The following SLC9C2 variants were observed in gnomAD, a reference collection of about 807,000 sequenced individuals.
The protein encoded by SLC9C2 is solute carrier family 9 member C2 (putative), also known as sodium/hydrogen exchanger 11.
Under a neutral mutation model 140.2 loss-of-function variants are expected in SLC9C2, and 75 were observed. The observed-to-expected ratio is 0.53, with a 90% CI of 0.44 to 0.65. The LOEUF (loss-of-function observed/expected upper bound fraction) is 0.65, where lower values mean the gene tolerates loss of function less well. SLC9C2 is among the 30% of genes least tolerant of loss of function. The pLI, the probability that SLC9C2 is intolerant of heterozygous loss-of-function variation, is 0.00. For missense variants in SLC9C2, 1,074 were observed against 1,331.8 expected (o/e 0.81, Z 3.01); for synonymous variants, 375 against 420.9 (o/e 0.89, Z 1.34).
chr1:173,585,798 C>G (rs890671951), intron 5 of SLC9C2, among the ~76,000 whole-genome samples: 1 of 151,990 alleles, frequency 6.6e-6, no homozygotes, highest in African/African-American at 2.4e-5. Flanking sequence ...AAAACCCCCT[C>G]TCTACTAAAA....
intron 13 of SLC9C2, among the ~76,000 whole-genome samples, chr1:173,544,755 G>C (rs1448148481): frequency 6.6e-6 from 1 of 152,060 alleles, no homozygotes; most frequent in African/African-American, 2.4e-5. Flanking sequence ...ACTATCACAA[G>C]GACAAAAAAC....
intron 27 of SLC9C2, 96 bp downstream of exon 27, chr1:173,503,170 C>T: frequency 1.1e-6 from 1 of 898,078 alleles, no homozygotes; most frequent in South Asian, 1.7e-5. Flanking sequence ...CTTTTCTCAC[C>T]ACCTACAATT....
intron 13 of SLC9C2, among the ~76,000 whole-genome samples, chr1:173,542,691 A>C (rs1662522640): frequency 6.6e-6 from 1 of 152,236 alleles, no homozygotes; most frequent in South Asian, 2.1e-4. Flanking sequence ...CCTGGAATGC[A>C]AGGCCAGTTC....
At position 173,547,759 on chromosome 1, in the gene SLC9C2, A is replaced by G. The variant is rs756070788; in HGVS notation, c.1487T>C (p.Met496Thr). 2.5e-6 allele frequency: 4 copies of G among 1,612,194 alleles called. No individual in the cohort carries two copies. The highest frequency in any genetic ancestry group is 2.2e-5 in the East Asian group (1 of 44,752). Reference sequence around the variant, plus strand: ...TTCATCTGTTGTGGATTCTGTCTTCATATCATTATGTGAAACGTGGGAAAA... The same window carrying G: ...TTCATCTGTTGTGGATTCTGTCTTCGTATCATTATGTGAAACGTGGGAAAA... ...IPFSHVSHNDMKTESTTDEAL... is the reference protein window; with the variant it reads ...IPFSHVSHNDTKTESTTDEAL... The change falls in exon 13 of 28, where the codon ATG becomes ACG. Residue 496 changes from methionine to threonine, a missense_variant. Physicochemically the swap from Met to Thr is moderately conservative, Grantham distance 81. Coordinates refer to ENST00000367714, the MANE Select transcript of SLC9C2 (RefSeq NM_178527.4).
intron 11 of SLC9C2, among the ~76,000 whole-genome samples, chr1:173,550,679 C>A (rs1022203035): frequency 7.2e-5 from 11 of 151,740 alleles, no homozygotes; most frequent in Admixed American, 7.2e-4. Context: ...CCTTGTGATC[C>A]GCCCGCCTTG....
chr1:173,578,692 C>G (rs1665334737), intron 7 of SLC9C2, among the ~76,000 whole-genome samples: 1 of 152,190 alleles, frequency 6.6e-6, no homozygotes, highest in Non-Finnish European at 1.5e-5. Context: ...GATTCTGTCC[C>G]AGGCCTCTCT....
At chr1:173,510,404 T>C (rs1659957093) in intron 23 of SLC9C2, among the ~76,000 whole-genome samples, 1 of 152,196 alleles carries the variant, frequency 6.6e-6, no homozygotes. Flanking sequence ...GCCATGGTGG[T>C]TTGCTGTACC....
intron 27 of SLC9C2, 91 bp from the exon 28 acceptor site, chr1:173,501,188 G>C (rs1188306128): frequency 1.8e-5 from 23 of 1,295,538 alleles, no homozygotes; most frequent in Non-Finnish European, 2.3e-5. Context: ...AACTTATGTA[G>C]GCATTTCTAT....
In SLC9C2 at chr1:173,526,645, G is replaced by T. The variant is rs375723215; in HGVS notation, c.2365+18C>A. On this transcript the variant is annotated intron_variant, in intron 19 of 27. Transcript: ENST00000367714. ...AATAAGGTATGACTTTAAGAACTCAGATACTTCAACTACCTACCTAATTCT... is the reference window on the plus strand; with the variant it reads ...AATAAGGTATGACTTTAAGAACTCATATACTTCAACTACCTACCTAATTCT... The T allele has an allele frequency of 3.8e-6, 6 of 1,578,134 alleles. No homozygotes were observed. The highest frequency in any genetic ancestry group is 5.1e-6 in the Non-Finnish European group (6 of 1,165,710).
intron 25 of SLC9C2, 105 bp from the exon 26 acceptor site, chr1:173,505,436 G>C: frequency 1.2e-6 from 1 of 815,264 alleles, no homozygotes; most frequent in South Asian, 1.7e-5. Flanking sequence ...AAAGCCTAAA[G>C]CTGGGTCTTC....
chr1:173,529,769 T>C (rs1029492844), intron 18 of SLC9C2, 136 bp downstream of exon 18: 11 of 911,980 alleles, frequency 1.2e-5, no homozygotes, highest in South Asian at 1.7e-5. Context: ...GCACCTCATA[T>C]GATATAATAA....
At chr1:173,559,989 G>GA (rs1370009965) in intron 9 of SLC9C2, among the ~76,000 whole-genome samples, 1 of 152,008 alleles carries the variant, frequency 6.6e-6, no homozygotes, top group Non-Finnish European at 1.5e-5. Context: ...TATATAATCC[G>GA]AATCTACCAA....
intron 7 of SLC9C2, 79 bp from the exon 8 acceptor site, chr1:173,576,839 G>T: frequency 1.2e-6 from 1 of 853,110 alleles, no homozygotes; most frequent in Non-Finnish European, 1.8e-6. Context: ...CTTGAATAAA[G>T]AATTGGTGGG....
chr1:173,573,553 A>C (rs1182660812), intron 8 of SLC9C2, among the ~76,000 whole-genome samples: 2 of 152,138 alleles, frequency 1.3e-5, no homozygotes, highest in Non-Finnish European at 2.9e-5. Context: ...TGCTTCTCAC[A>C]GTAGAATAAT....
At chr1:173,547,316 T>G (rs1236112364) in intron 13 of SLC9C2, among the ~76,000 whole-genome samples, 1 of 151,704 alleles carries the variant, frequency 6.6e-6, no homozygotes, top group Non-Finnish European at 1.5e-5. Flanking sequence ...CTCTAACAGT[T>G]AAATTAGCAC....
intron 8 of SLC9C2, among the ~76,000 whole-genome samples, chr1:173,575,823 C>T (rs1332950685): frequency 5.3e-5 from 8 of 152,286 alleles, no homozygotes; most frequent in African/African-American, 1.9e-4. Flanking sequence ...CGTGATCCGC[C>T]TGCCTCGGCC....
At chr1:173,509,952 A>T (rs1558013028) in intron 23 of SLC9C2, among the ~76,000 whole-genome samples, 1 of 152,206 alleles carries the variant, frequency 6.6e-6, no homozygotes, top group South Asian at 2.1e-4. Context: ...CAGTCAATAG[A>T]TATAATGAAG....
At position 173,501,112 on chromosome 1, in the gene SLC9C2, C is replaced by A; in HGVS notation, c.3372-15G>T. ...CCAGTTTTCAACTATAAAAGAAAGT[C>A]AAAAGTTAAATATTAGCCTATAAAC... On this transcript the variant is annotated splice_polypyrimidine_tract_variant and intron_variant, in intron 27 of 27. Coordinates refer to ENST00000367714, the MANE Select transcript of SLC9C2 (RefSeq NM_178527.4). 2 of 1,529,764 alleles carry A rather than the reference C, an allele frequency of 1.3e-6. No individual in the cohort carries two copies. The highest frequency in any genetic ancestry group is 2.6e-5 in the South Asian group (2 of 76,924). 94.8% of individuals were successfully genotyped at this position (1,529,764 alleles called of 1,614,324 possible). A position where few individuals can be genotyped will look rare whatever the true frequency, so the allele number is the denominator to read the frequency against.
intron 13 of SLC9C2, among the ~76,000 whole-genome samples, chr1:173,546,797 A>G (rs1001134989): frequency 6.6e-6 from 1 of 152,134 alleles, no homozygotes; most frequent in Non-Finnish European, 1.5e-5. Flanking sequence ...CTGAGTCGAC[A>G]TTTGATGTTA....
Sources: gnomAD v4.1 joint callset for allele counts (sites outside exome capture counted in the v4.1 genomes callset) on GRCh38, gnomAD v4.1.1 for gene constraint, MANE v1.5 for transcripts, NCBI Gene and HGNC (gene_info 2026-07-23, HGNC 2026-07-21) for gene names.